TRMT1L: variants seen among roughly 807,000 people sequenced by gnomAD.
The protein encoded by TRMT1L is tRNA (guanine(27)-N(2))-dimethyltransferase.
In TRMT1L, 28 loss-of-function variants were observed where a neutral mutation model predicts 81.6. That is an observed-to-expected ratio of 0.34 (90% CI 0.25 to 0.47). The LOEUF is 0.47. Ranked by LOEUF, TRMT1L falls within the 20% of genes least tolerant of loss-of-function variation. The probability of loss-of-function intolerance (pLI) is 1.00; values close to 1 mark genes in which losing one functional copy is unlikely to be tolerated. For synonymous variants in TRMT1L, 301 were observed against 303.2 expected, an observed-to-expected ratio of 0.99 and a Z score of 0.07; for missense variants, 739 against 877.1, an observed-to-expected ratio of 0.84 and a Z score of 1.99.
chr1:185,144,799 T>C (rs12037466), intron 5 of TRMT1L, among the ~76,000 whole-genome samples: 15,133 of 151,964 alleles, frequency 0.1, 978 homozygotes, highest in East Asian at 0.25. Context: ...CTGTGTTACA[T>C]ACCCTTTTCT....
intron 10 of TRMT1L, among the ~76,000 whole-genome samples, chr1:185,130,113 G>A (rs1308298058): frequency 6.6e-6 from 1 of 152,146 alleles, no homozygotes; most frequent in Non-Finnish European, 1.5e-5. Flanking sequence ...GGATTTCTCA[G>A]GTCTAAATTA....
At position 185,152,009 on chromosome 1, in the gene TRMT1L, T is replaced by C; in HGVS notation, c.236-74A>G. Reference sequence around the variant, plus strand: ...TTCCATTTTTATTGATCACATCGTATAGAAGTTTATTTCCTATAACACAGT... The same window carrying C: ...TTCCATTTTTATTGATCACATCGTACAGAAGTTTATTTCCTATAACACAGT... On this transcript the variant is annotated intron_variant, in intron 1 of 14. Transcript: ENST00000367506. The C allele has an allele frequency of 5.7e-6, 5 of 875,974 alleles. No individual in the cohort carries two copies. In the South Asian group the frequency reaches 7.5e-5, roughly 13 times the overall value. The allele number at this position is 875,974 out of a possible 1,614,324, so 54.3% of individuals were successfully genotyped here. A position where few individuals can be genotyped will look rare whatever the true frequency, so the allele number is the denominator to read the frequency against.
chr1:185,127,137 A>G (rs1652649804), intron 11 of TRMT1L, among the ~76,000 whole-genome samples: 5 of 152,232 alleles, frequency 3.3e-5, no homozygotes, highest in Admixed American at 2.6e-4. Context: ...GTGTAAAATA[A>G]GGCAGTTAGG....
rs760511079 is a variant in TRMT1L at position 185,120,222 on chromosome 1, G to A, written c.1999C>T (p.Arg667Ter). ...YLSQAGFRVS[R>*]THFDPMGVRT... Reference sequence around the variant, plus strand: ...ACACCCATTGGGTCAAAATGAGTTCGGCTTACTCGAAAGCCTGCTTGAGAT... The same window carrying A: ...ACACCCATTGGGTCAAAATGAGTTCAGCTTACTCGAAAGCCTGCTTGAGAT... The change falls in exon 15 of 15, where the codon CGA becomes TGA. Residue 667 changes from arginine (R) to a stop codon, truncating the protein, a stop_gained. Transcript: ENST00000367506. LOFTEE classifies it high-confidence loss of function. 3 of 1,601,558 alleles carry A rather than the reference G, an allele frequency of 1.9e-6. No homozygotes were observed. Among genetic ancestry groups the A allele is most frequent in the Middle Eastern group, 1.7e-4 (1 of 6,010 alleles).
In TRMT1L at chr1:185,147,226, G is replaced by T; in HGVS notation, c.481C>A (p.His161Asn). The change falls in exon 4 of 15, where the codon CAC becomes AAC. Residue 161 changes from histidine (H) to asparagine (N), a missense_variant. By Grantham distance (68) the His-to-Asn change is moderately conservative (BLOSUM62 1). Transcript: ENST00000367506. ...GGTTTCACTGGTCGACAAGGTAAGT[G>T]ACAGATGCACATCCTGTAACCTAAA... is the stretch of plus-strand genomic sequence containing the variant. ...EFEGYRMCIC[H>N]LPCRPVKPNI... is the part of the protein sequence containing the mutation. 1 of 1,609,430 alleles carries T rather than the reference G, an allele frequency of 6.2e-7. No homozygotes were observed. Among genetic ancestry groups the T allele is most frequent in the Non-Finnish European group, 8.5e-7 (1 of 1,176,932 alleles).
chr1:185,118,804 T>C lies in TRMT1L; in HGVS notation c.*1215A>G, dbSNP rs1355667848. On this transcript the variant is annotated 3_prime_UTR_variant, in exon 15 of 15. Transcript: ENST00000367506. Reference sequence around the variant, plus strand: ...TCTAATGCCTATCCACTAGATTTTTTTGTATATGTCACAGAAGTACTTTTT... The same window carrying C: ...TCTAATGCCTATCCACTAGATTTTTCTGTATATGTCACAGAAGTACTTTTT... 6 of 152,140 alleles carry C rather than the reference T, an allele frequency of 3.9e-5. No individual in the cohort carries two copies. The highest frequency in any genetic ancestry group is 1.4e-4 in the African/African-American group (6 of 41,448). 9.4% of individuals were successfully genotyped at this position (152,140 alleles called of 1,614,324 possible).
intron 11 of TRMT1L, among the ~76,000 whole-genome samples, chr1:185,126,711 C>T (rs557804353): frequency 3.3e-4 from 50 of 152,286 alleles, no homozygotes; most frequent in Admixed American, 3.0e-3. Context: ...AACACAATAG[C>T]TTTCATGTGG....
chr1:185,144,126 C>T, intron 5 of TRMT1L, 97 bp from the exon 6 acceptor site: 1 of 1,172,980 alleles, frequency 8.5e-7, no homozygotes, highest in Non-Finnish European at 1.2e-6. Flanking sequence ...ACATCTAAAA[C>T]AATAAATATA....
chr1:185,133,772 G>T (rs1652830189), intron 10 of TRMT1L, among the ~76,000 whole-genome samples: 1 of 151,782 alleles, frequency 6.6e-6, no homozygotes, highest in African/African-American at 2.4e-5. Context: ...CTTGATCTGT[G>T]GCCTTGTGAG....
chr1:185,136,723 C>T (rs532391895), intron 10 of TRMT1L, among the ~76,000 whole-genome samples: 1 of 152,164 alleles, frequency 6.6e-6, no homozygotes, highest in Non-Finnish European at 1.5e-5. Context: ...CACTGAAAAG[C>T]CTCTATAGTC....
chr1:185,137,463 G>A, intron 10 of TRMT1L, 143 bp downstream of exon 10: 3 of 854,784 alleles, frequency 3.5e-6, no homozygotes, highest in African/African-American at 1.7e-5. Context: ...GTCTGTTGAC[G>A]AAAGGAAATC....
rs534131903 is a variant in TRMT1L at position 185,122,259 on chromosome 1, C to G, written c.1822+1598G>C. On this transcript the variant is annotated intron_variant, in intron 13 of 14. Transcript: ENST00000367506. ...CAATGAACATATAACGTATCTTTGA[C>G]AGAATGAATTATTTTCCTTTGGGTT... 3.3e-5 allele frequency among the ~76,000 whole-genome samples: 5 copies of G among 152,228 alleles called. 1 individual carries two copies. Among genetic ancestry groups the G allele is most frequent in the African/African-American group, 1.2e-4 (5 of 41,552 alleles).
At chr1:185,124,321 A>G (rs1436242113) in intron 12 of TRMT1L, among the ~76,000 whole-genome samples, 1 of 151,860 alleles carries the variant, frequency 6.6e-6, no homozygotes, top group Non-Finnish European at 1.5e-5. Context: ...GGGTAATAAA[A>G]ATCACAAAGG....
intron 12 of TRMT1L, 106 bp from the exon 13 acceptor site, chr1:185,124,025 G>T (rs569604065): frequency 6.9e-5 from 42 of 611,936 alleles, no homozygotes; most frequent in African/African-American, 6.5e-4. Context: ...CTATTTTCAC[G>T]AATATGCAAG....
intron 11 of TRMT1L, 35 bp from the exon 12 acceptor site, chr1:185,125,145 G>T (rs7523448): frequency 0.35 from 515,181 of 1,481,230 alleles, 92,278 homozygotes; most frequent in African/African-American, 0.44. Flanking sequence ...AACTGGGTTT[G>T]AAAAATGTTT....
At chr1:185,126,328 T>C (rs551461459) in intron 11 of TRMT1L, among the ~76,000 whole-genome samples, 37 of 152,246 alleles carry the variant, frequency 2.4e-4, no homozygotes, top group African/African-American at 8.9e-4. Flanking sequence ...GGAGTCTTGC[T>C]CTGTCGCCCA....
chr1:185,150,280 C>G (rs1285206056), intron 3 of TRMT1L, 99 bp downstream of exon 3: 1 of 798,346 alleles, frequency 1.3e-6, no homozygotes, highest in Non-Finnish European at 2.0e-6. Context: ...ACATTTTAAA[C>G]TGAAAATATT....
Position 185,137,686 on chromosome 1 carries a change from G to A in TRMT1L, c.1433C>T (p.Thr478Ile). 1 of 1,614,116 alleles carries A rather than the reference G, an allele frequency of 6.2e-7. No homozygotes were observed. The highest frequency in any genetic ancestry group is 8.5e-7 in the Non-Finnish European group (1 of 1,180,020). The stretch of plus-strand genomic sequence containing the variant: ...GATCAGGTATTGAATCTTCTTGGCT[G>A]TTTCATCTGCTGAAGTAGGTCCCCT... ...VLRGPTSADE[T>I]AKKIQYLIHC... Residue 478 changes from threonine (T) to isoleucine (I), a missense_variant, in exon 10 of 15, where the codon ACA (threonine) becomes ATA (isoleucine). Thr to Ile is a moderately conservative substitution (Grantham distance 89). This residue lies in a region of TRMT1L where 331 missense variants were observed against 462.2 expected (regional missense o/e 0.72). Coordinates refer to ENST00000367506, the MANE Select transcript of TRMT1L (RefSeq NM_030934.5).
chr1:185,152,262 G>A (rs1053535302), intron 1 of TRMT1L, among the ~76,000 whole-genome samples: 3 of 152,168 alleles, frequency 2.0e-5, no homozygotes, highest in African/African-American at 7.2e-5. Context: ...GGTGGGAGAA[G>A]GCAATATGTC....
Sources: gnomAD v4.1 joint callset for allele counts (sites outside exome capture counted in the v4.1 genomes callset) on GRCh38, gnomAD v4.1.1 for gene constraint, gnomAD v4.1.1 regional missense constraint, MANE v1.5 for transcripts, NCBI Gene and HGNC (gene_info 2026-07-23, HGNC 2026-07-21) for gene names.